The following CSMD1 variants were observed in gnomAD, a reference collection of about 807,000 sequenced individuals.
CSMD1 encodes CUB and Sushi multiple domains 1.
Under a neutral mutation model 417.5 loss-of-function variants are expected in CSMD1, and 213 were observed. That is an observed-to-expected ratio of 0.51 (90% confidence interval 0.46 to 0.57). The LOEUF (loss-of-function observed/expected upper bound fraction) is 0.57. CSMD1 is among the 20% of genes least tolerant of loss of function. The pLI is 0.00. For synonymous variants in CSMD1, 2,862 were observed against 1,736.8 expected (o/e 1.65, Z -16.11); for missense variants, 6,923 against 4,529.7 (o/e 1.53, Z -15.17).
intron 3 of CSMD1, 116 bp downstream of exon 3, chr8:4,419,837 T>TA (rs1797146529): frequency 1.4e-6 from 1 of 690,718 alleles, no homozygotes; most frequent in Non-Finnish European, 2.5e-6. Context: ...GCCAAATGTC[T>TA]ACACCACGGA....
chr8:4,739,607 C>G (rs996901264), intron 1 of CSMD1, among the ~76,000 whole-genome samples: 1 of 152,148 alleles, frequency 6.6e-6, no homozygotes, highest in African/African-American at 2.4e-5. Context: ...GTCCGAGAAA[C>G]CCACATGCTC....
intron 1 of CSMD1, among the ~76,000 whole-genome samples, chr8:4,819,270 C>T (rs944125710): frequency 6.6e-6 from 1 of 152,076 alleles, no homozygotes; most frequent in African/African-American, 2.4e-5. Context: ...AAAAACAAAA[C>T]CTCATCATTA....
At chr8:4,602,497 G>A (rs1203036856) in intron 2 of CSMD1, among the ~76,000 whole-genome samples, 2 of 152,070 alleles carry the variant, frequency 1.3e-5, no homozygotes, top group Non-Finnish European at 2.9e-5. Flanking sequence ...CACATCTCAG[G>A]TACGCATACA....
chr8:3,490,918 T>C lies in CSMD1; in HGVS notation c.1448+2705A>G, dbSNP rs979770767. Among the ~76,000 whole-genome samples the C allele has an allele frequency of 2.0e-5, 3 of 152,216 alleles. No homozygotes were observed. The East Asian group carries it at 5.8e-4, about 29-fold the overall frequency. ...ATTTGTCAACAAAAAAGAGTCATTA[T>C]TTGGCAAGGGTGCAGAAAAATAGGA... On this transcript the variant is annotated intron_variant, in intron 11 of 69. Coordinates refer to ENST00000635120, the MANE Select transcript of CSMD1 (RefSeq NM_033225.6).
intron 1 of CSMD1, among the ~76,000 whole-genome samples, chr8:4,912,535 C>G (rs1805761553): frequency 6.6e-6 from 1 of 152,194 alleles, no homozygotes. Context: ...AAGCTCGTCT[C>G]AATCCCACCT....
chr8:3,427,914 C>G (rs964349371), intron 12 of CSMD1, among the ~76,000 whole-genome samples: 10 of 152,182 alleles, frequency 6.6e-5, no homozygotes, highest in African/African-American at 2.4e-4. Context: ...TGATAATTCA[C>G]AGGGCTGACA....
At chr8:4,261,801 T>C (rs557072603) in intron 3 of CSMD1, among the ~76,000 whole-genome samples, 1 of 152,278 alleles carries the variant, frequency 6.6e-6, no homozygotes, top group African/African-American at 2.4e-5. Flanking sequence ...ATGGTAATCA[T>C]TTCTCAATAT....
chr8:3,786,550 G>C (rs1164882958), intron 5 of CSMD1, among the ~76,000 whole-genome samples: 15 of 152,184 alleles, frequency 9.9e-5, no homozygotes, highest in Admixed American at 9.8e-4. Context: ...TAATCATGCA[G>C]ACTGAGGACT....
intron 3 of CSMD1, among the ~76,000 whole-genome samples, chr8:4,404,954 A>G (rs889591412): frequency 6.6e-6 from 1 of 152,188 alleles, no homozygotes; most frequent in Non-Finnish European, 1.5e-5. Flanking sequence ...CTCTTTTGGA[A>G]ATATGGAAAC....
chr8:4,280,953 C>T (rs572614122), intron 3 of CSMD1, among the ~76,000 whole-genome samples: 101 of 152,230 alleles, frequency 6.6e-4, no homozygotes, highest in African/African-American at 2.4e-3. Flanking sequence ...TTTTTCCAAA[C>T]ACACTTGAAA....
rs1312258374 is a variant in CSMD1 at position 3,263,554 on chromosome 8, ACATT to A, written c.4153+20586_4153+20589del. ...ATAGTAAATGTTCATTTTTGGTAAT[ACATT>A]CAAGTAATTTTTGAAATTTCTTACA... is the stretch of plus-strand genomic sequence containing the variant. On this transcript the variant is annotated intron_variant, in intron 26 of 69. Coordinates refer to ENST00000635120, the MANE Select transcript of CSMD1 (RefSeq NM_033225.6). Among the ~76,000 whole-genome samples the A allele has an allele frequency of 3.3e-5, 5 of 152,216 alleles. 1 individual carries two copies. The highest frequency in any genetic ancestry group is 1.5e-5 in the Non-Finnish European group (1 of 68,028).
chr8:3,828,967 A>G (rs1802213108), intron 5 of CSMD1, among the ~76,000 whole-genome samples: 1 of 151,708 alleles, frequency 6.6e-6, no homozygotes, highest in Non-Finnish European at 1.5e-5. Context: ...ATGGCAACAC[A>G]GTTCCTTAGG....
At chr8:4,074,551 C>G (rs956521140) in intron 3 of CSMD1, among the ~76,000 whole-genome samples, 2 of 152,028 alleles carry the variant, frequency 1.3e-5, no homozygotes, top group Non-Finnish European at 2.9e-5. Flanking sequence ...TAAATATTCC[C>G]AGTGGAAGTT....
chr8:4,052,235 G>T (rs1286292918), intron 3 of CSMD1, among the ~76,000 whole-genome samples: 4 of 152,132 alleles, frequency 2.6e-5, no homozygotes, highest in African/African-American at 7.2e-5. Context: ...AGTACTGCAG[G>T]ATTTCTGAGA....
chr8:3,010,566 G>A (rs1217401180), intron 52 of CSMD1, among the ~76,000 whole-genome samples: 1 of 152,054 alleles, frequency 6.6e-6, no homozygotes, highest in South Asian at 2.1e-4. Context: ...TGCCACCAGG[G>A]TTGCAGCTCT....
chr8:4,301,222 CA>C (rs1292364875), intron 3 of CSMD1, among the ~76,000 whole-genome samples: 2 of 152,108 alleles, frequency 1.3e-5, no homozygotes, highest in African/African-American at 4.8e-5. Context: ...GCTAGTTTGT[CA>C]AAACAATCTC....
rs561063125 is a variant in CSMD1 at position 4,776,861 on chromosome 8, T to A, written c.86-139303A>T. 3.9e-5 allele frequency among the ~76,000 whole-genome samples: 6 copies of A among 152,348 alleles called. 1 individual carries two copies. The South Asian group carries it at 1.2e-3, about 32-fold the overall frequency. ...GATTCTGGAGCTTCCATAAATTATT[T>A]TACTGTTTTCTGCTTATCTTCATCT... is the stretch of plus-strand genomic sequence containing the variant. On this transcript the variant is annotated intron_variant, in intron 1 of 69. Transcript: ENST00000635120.
At chr8:3,942,020 T>A (rs1719395345) in intron 5 of CSMD1, among the ~76,000 whole-genome samples, 1 of 152,004 alleles carries the variant, frequency 6.6e-6, no homozygotes. Context: ...AGCAGTGGCA[T>A]TAGATTCTTA....
intron 26 of CSMD1, among the ~76,000 whole-genome samples, chr8:3,238,696 G>A (rs570868207): frequency 6.6e-6 from 1 of 152,174 alleles, no homozygotes; most frequent in East Asian, 1.9e-4. Flanking sequence ...AACGGAATAA[G>A]AGGAGAAAAA....
Sources: gnomAD v4.1 joint callset for allele counts (sites outside exome capture counted in the v4.1 genomes callset) on GRCh38, gnomAD v4.1.1 for gene constraint, MANE v1.5 for transcripts, NCBI Gene and HGNC (gene_info 2026-07-23, HGNC 2026-07-21) for gene names.